Variants in SHISA6 observed in about 807,000 individuals in gnomAD.
The protein encoded by SHISA6 is protein shisa-6.
A neutral mutation model predicts 47.9 loss-of-function variants in SHISA6; 22 were observed. The ratio of observed to expected loss-of-function variants is 0.46; its 90% CI spans 0.33 to 0.66. The LOEUF (loss-of-function observed/expected upper bound fraction) is 0.66. Among genes scored for constraint, SHISA6 ranks in the 30% least tolerant of loss-of-function variants. The probability of loss-of-function intolerance (pLI) is 0.02; values close to 1 mark genes in which losing one functional copy is unlikely to be tolerated. For synonymous variants in SHISA6, 388 were observed against 337.8 expected (o/e 1.15, Z -1.63); for missense variants, 680 against 764.6 (o/e 0.89, Z 1.30).
intron 3 of SHISA6, among the ~76,000 whole-genome samples, chr17:11,449,025 A>G (rs1302802772): frequency 6.6e-6 from 1 of 152,218 alleles, no homozygotes; most frequent in African/African-American, 2.4e-5. Context: ...CTGCAGTCTT[A>G]AGGTGATAAC....
intron 2 of SHISA6, among the ~76,000 whole-genome samples, chr17:11,268,355 G>T (rs1442313905): frequency 6.6e-6 from 1 of 152,098 alleles, no homozygotes; most frequent in Non-Finnish European, 1.5e-5. Flanking sequence ...CCACAGTCCT[G>T]CATGCCCTGG....
At chr17:11,353,925 C>T (rs1030374442) in intron 2 of SHISA6, among the ~76,000 whole-genome samples, 1 of 151,992 alleles carries the variant, frequency 6.6e-6, no homozygotes, top group African/African-American at 2.4e-5. Flanking sequence ...GGAACAGGCC[C>T]CAATATGTCT....
chr17:11,241,509 C>T lies in SHISA6; in HGVS notation c.87C>T (p.Arg29=). The T allele has an allele frequency of 8.7e-7, 1 of 1,149,320 alleles. No individual in the cohort carries two copies. The highest frequency in any genetic ancestry group is 5.8e-5 in the East Asian group (1 of 17,286). 71.2% of individuals were successfully genotyped at this position (1,149,320 alleles called of 1,614,324 possible). A position where few individuals can be genotyped will look rare whatever the true frequency, so the allele number is the denominator to read the frequency against. ...LLPSVHGARG[R]AANRTLSAGG... The stretch of plus-strand genomic sequence containing the variant: ...CCAGCGTCCACGGAGCCCGCGGCCG[C>T]GCCGCCAACCGGACCCTGAGTGCAG... The change falls in exon 1 of 6, where the codon CGC becomes CGT. Residue 29 remains arginine (R), a synonymous_variant. Coordinates refer to ENST00000441885, the MANE Select transcript of SHISA6 (RefSeq NM_207386.4). The surrounding 1 kb of genome is among the most constrained non-coding windows in gnomAD (Gnocchi z 5.5).
chr17:11,464,392 G>T (rs1015307470), intron 3 of SHISA6, among the ~76,000 whole-genome samples: 1 of 152,158 alleles, frequency 6.6e-6, no homozygotes, highest in Non-Finnish European at 1.5e-5. Context: ...CTGGGGGCTG[G>T]AGGCAGGAGG....
chr17:11,350,141 A>ACCGC (rs1219132157), intron 2 of SHISA6, among the ~76,000 whole-genome samples: 1 of 148,392 alleles, frequency 6.7e-6, no homozygotes, highest in Non-Finnish European at 1.5e-5. Context: ...ACAGGCAGGC[A>ACCGC]CCGCCATGCC....
At chr17:11,500,281 A>G (rs978727086) in intron 3 of SHISA6, among the ~76,000 whole-genome samples, 2 of 152,196 alleles carry the variant, frequency 1.3e-5, no homozygotes, top group African/African-American at 4.8e-5. Context: ...CAGTTTGGAA[A>G]AGCAGCGTCG....
Position 11,379,395 on chromosome 17 carries a change from C to T in SHISA6, c.800-19C>T. The T allele has an allele frequency of 6.6e-7, 1 of 1,522,514 alleles. No individual in the cohort carries two copies. The highest frequency in any genetic ancestry group is 8.9e-7 in the Non-Finnish European group (1 of 1,127,560). 94.3% of individuals were successfully genotyped at this position (1,522,514 alleles called of 1,614,324 possible). On this transcript the variant is annotated intron_variant, in intron 2 of 5. Transcript: ENST00000441885. Reference sequence around the variant, plus strand: ...GGTGTCGTGGATGCGCCAGGTAATTCTGCCCCATCTTCTTGCAGGGCATTA... The same window carrying T: ...GGTGTCGTGGATGCGCCAGGTAATTTTGCCCCATCTTCTTGCAGGGCATTA...
At chr17:11,502,408 CAAAAAAAAAAAAA>C (rs33980148) in intron 3 of SHISA6, among the ~76,000 whole-genome samples, 1 of 34,058 alleles carries the variant, frequency 2.9e-5, no homozygotes, top group African/African-American at 1.2e-4. Flanking sequence ...GACTCCGTCT[CAAAAAAAAAAAAA>C]AAAAAAAAAA....
intron 2 of SHISA6, among the ~76,000 whole-genome samples, chr17:11,285,081 A>C (rs933583523): frequency 2.0e-5 from 3 of 152,230 alleles, no homozygotes; most frequent in African/African-American, 7.2e-5. Flanking sequence ...AAAACCCTGG[A>C]AAATATTCAC....
chr17:11,425,824 C>T (rs1024148517), intron 3 of SHISA6, among the ~76,000 whole-genome samples: 2 of 152,178 alleles, frequency 1.3e-5, no homozygotes, highest in African/African-American at 2.4e-5. Flanking sequence ...CTTAAATCCC[C>T]TAAGTTTTTT....
In SHISA6 at chr17:11,241,300, C is replaced by A; in HGVS notation, c.-123C>A. 1.9e-6 allele frequency: 1 copy of A among 540,316 alleles called. No homozygotes were observed. The highest frequency in any genetic ancestry group is 2.4e-6 in the Non-Finnish European group (1 of 424,414). 33.5% of individuals were successfully genotyped at this position (540,316 alleles called of 1,614,324 possible). ...CGCCCGCGCCTCGATGGCGCCATCG[C>A]CCCGGAGCCGCTGACCGCTCAGCGC... is the stretch of plus-strand genomic sequence containing the variant. On this transcript the variant is annotated 5_prime_UTR_variant, in exon 1 of 6. Coordinates refer to ENST00000441885, the MANE Select transcript of SHISA6 (RefSeq NM_207386.4). This position sits in a 1 kb window ranked among gnomAD's most constrained non-coding sequence, Gnocchi z 5.5.
Position 11,437,752 on chromosome 17 carries a change from T to A in SHISA6, c.895+58243T>A, listed in dbSNP as rs542645805. Among the ~76,000 whole-genome samples, 11 of 152,342 alleles carry A rather than the reference T, an allele frequency of 7.2e-5. No homozygotes were observed. The South Asian group carries it at 2.3e-3, about 32-fold the overall frequency. On this transcript the variant is annotated intron_variant, in intron 3 of 5. Coordinates refer to ENST00000441885, the MANE Select transcript of SHISA6 (RefSeq NM_207386.4). ...TGCCATGTGTTTCTCTGACTCATTT[T>A]CTTATTCCATTGCATGTGTCCCAAT... is the stretch of plus-strand genomic sequence containing the variant.
chr17:11,411,842 G>A (rs28622253), intron 3 of SHISA6, among the ~76,000 whole-genome samples: 1 of 152,086 alleles, frequency 6.6e-6, no homozygotes, highest in Non-Finnish European at 1.5e-5. Flanking sequence ...TGGGTAGCTG[G>A]AGTTTTATTG....
intron 2 of SHISA6, among the ~76,000 whole-genome samples, chr17:11,375,438 A>T (rs1338370275): frequency 6.6e-6 from 1 of 152,126 alleles, no homozygotes; most frequent in Non-Finnish European, 1.5e-5. Context: ...CTGCAACCCG[A>T]GGCAAACTGT....
At chr17:11,514,270 T>TTTTTG (rs1348133989) in intron 3 of SHISA6, among the ~76,000 whole-genome samples, 1 of 152,202 alleles carries the variant, frequency 6.6e-6, no homozygotes, top group Non-Finnish European at 1.5e-5. Context: ...AATGTTTAAA[T>TTTTTG]TTTTGTTTTG....
chr17:11,383,962 G>A (rs1188317239), intron 3 of SHISA6, among the ~76,000 whole-genome samples: 1 of 152,134 alleles, frequency 6.6e-6, no homozygotes, highest in Non-Finnish European at 1.5e-5. Flanking sequence ...AAAACTCAGT[G>A]ATGAAGACTT....
chr17:11,335,703 G>T (rs1316170262), intron 2 of SHISA6, among the ~76,000 whole-genome samples: 1 of 152,112 alleles, frequency 6.6e-6, no homozygotes, highest in East Asian at 1.9e-4. Context: ...AGGAGCCCGA[G>T]GTTCCAGCGA....
At chr17:11,435,337 T>C (rs531763768) in intron 3 of SHISA6, among the ~76,000 whole-genome samples, 3 of 152,278 alleles carry the variant, frequency 2.0e-5, no homozygotes, top group Non-Finnish European at 1.5e-5. Flanking sequence ...AAAATATCTT[T>C]TATAAACTAT....
intron 3 of SHISA6, among the ~76,000 whole-genome samples, chr17:11,396,312 C>T (rs1299022244): frequency 6.6e-6 from 1 of 152,120 alleles, no homozygotes; most frequent in Non-Finnish European, 1.5e-5. Context: ...TGTCAATATT[C>T]ATGAATGATA....
Sources: allele counts gnomAD v4.1 joint callset (sites outside exome capture counted in the v4.1 genomes callset), GRCh38; gene constraint gnomAD v4.1.1; non-coding constraint Gnocchi (gnomAD v3.1); transcripts MANE v1.5; gene names NCBI Gene and HGNC (gene_info 2026-07-23, HGNC 2026-07-21).